PSME1: variants seen among roughly 807,000 people sequenced by gnomAD.
The protein encoded by PSME1 is proteasome activator subunit 1.
In PSME1, 15 loss-of-function variants were observed where a neutral mutation model predicts 38.4. The ratio of observed to expected loss-of-function variants is 0.39; its 90% CI spans 0.26 to 0.60. The LOEUF is 0.60. PSME1 is among the 20% of genes least tolerant of loss of function. The probability of loss-of-function intolerance (pLI) is 0.53; values close to 1 mark genes in which losing one functional copy is unlikely to be tolerated. For missense variants in PSME1, 249 were observed against 305.6 expected, an observed-to-expected ratio of 0.81 and a Z score of 1.38; for synonymous variants, 106 against 106.8, an observed-to-expected ratio of 0.99 and a Z score of 0.05.
In PSME1 at chr14:24,136,244, T is replaced by C. The variant is rs769942442; in HGVS notation, c.-19T>C. The C allele has an allele frequency of 1.0e-4, 157 of 1,519,584 alleles. No individual in the cohort carries two copies. The highest frequency in any genetic ancestry group is 1.3e-4 in the Non-Finnish European group (146 of 1,135,120). The allele number at this position is 1,519,584 out of a possible 1,614,324, so 94.1% of individuals were successfully genotyped here. On this transcript the variant is annotated 5_prime_UTR_variant, in exon 1 of 11. Coordinates refer to ENST00000206451, the MANE Select transcript of PSME1 (RefSeq NM_006263.4). This position sits in a 1 kb window ranked among gnomAD's most constrained non-coding sequence, Gnocchi z 4.8. Reference sequence around the variant, plus strand: ...GCCCACTCCACTCCTTGTGCGGCGCTAGGCCCCCCGTCCCGGTCATGGCCA... The same window carrying C: ...GCCCACTCCACTCCTTGTGCGGCGCCAGGCCCCCCGTCCCGGTCATGGCCA...
rs2037906648 is a variant in PSME1 at position 24,136,605 on chromosome 14, C to G, written c.39+304C>G. Among the ~76,000 whole-genome samples the G allele has an allele frequency of 1.3e-5, 2 of 152,190 alleles. No individual in the cohort carries two copies. Among genetic ancestry groups the G allele is most frequent in the African/African-American group, 4.8e-5 (2 of 41,456 alleles). ...GCCCCAGCTACCTTCTGGCCTTTCC[C>G]TCAGGGAGGGTCCCGGGGCCCACCC... On this transcript the variant is annotated intron_variant, in intron 1 of 10. Transcript: ENST00000206451. This position sits in a 1 kb window ranked among gnomAD's most constrained non-coding sequence, Gnocchi z 4.8.
In PSME1 at chr14:24,137,545, A is replaced by AG; in HGVS notation, c.277dup (p.Glu93GlyfsTer3). 1 of 1,614,230 alleles carries AG rather than the reference A, an allele frequency of 6.2e-7. No homozygotes were observed. The highest frequency in any genetic ancestry group is 8.5e-7 in the Non-Finnish European group (1 of 1,180,034). ...AAGGAAGACAAGGATGAAAAGAAGAAGGGGGAGGATGAAGACAAAGGTACT... is the reference window on the plus strand; with the variant it reads ...AAGGAAGACAAGGATGAAAAGAAGAAGGGGGGAGGATGAAGACAAAGGTACT... On this transcript the variant is annotated frameshift_variant, in exon 5 of 11. Transcript: ENST00000206451. LOFTEE classifies it high-confidence loss of function.
In PSME1 at chr14:24,137,210, C is replaced by T. The variant is rs773940134; in HGVS notation, c.135+5C>T. ...GAGCTGGATGCATTTTTAAAGGTAC[C>T]GCGGCTGGGCAGGGAGCTAGGGAGT... On this transcript the variant is annotated splice_donor_5th_base_variant and intron_variant, in intron 3 of 10. Transcript: ENST00000206451. 5.0e-6 allele frequency: 8 copies of T among 1,613,798 alleles called. No homozygotes were observed. The highest frequency in any genetic ancestry group is 1.6e-4 in the Middle Eastern group (1 of 6,084).
chr14:24,136,244 T>A lies in PSME1; in HGVS notation c.-19T>A. Reference sequence around the variant, plus strand: ...GCCCACTCCACTCCTTGTGCGGCGCTAGGCCCCCCGTCCCGGTCATGGCCA... The same window carrying A: ...GCCCACTCCACTCCTTGTGCGGCGCAAGGCCCCCCGTCCCGGTCATGGCCA... On this transcript the variant is annotated 5_prime_UTR_variant, in exon 1 of 11. Transcript: ENST00000206451. The surrounding 1 kb of genome is among the most constrained non-coding windows in gnomAD (Gnocchi z 4.8). 6.6e-7 allele frequency: 1 copy of A among 1,519,692 alleles called. No homozygotes were observed. 94.1% of individuals were successfully genotyped at this position (1,519,692 alleles called of 1,614,324 possible).
chr14:24,138,882 G>T lies in PSME1; in HGVS notation c.*66G>T, dbSNP rs1326027627. Reference sequence around the variant, plus strand: ...TTCCTGCTTTTTACTGGGGACTCCAGATTTTCCCCAAACTTGCTTCTGTTG... The same window carrying T: ...TTCCTGCTTTTTACTGGGGACTCCATATTTTCCCCAAACTTGCTTCTGTTG... On this transcript the variant is annotated 3_prime_UTR_variant, in exon 11 of 11. Transcript: ENST00000206451. The T allele has an allele frequency of 1.9e-6, 3 of 1,593,094 alleles. No individual in the cohort carries two copies. In the Admixed American group the frequency reaches 5.2e-5, roughly 28 times the overall value.
chr14:24,137,636 C>T (rs757867483), intron 5 of PSME1, 64 bp from the exon 6 acceptor site: 19 of 1,610,896 alleles, frequency 1.2e-5, no homozygotes, highest in Non-Finnish European at 1.6e-5. Context: ...GGATTTCTTT[C>T]CAGTCTCCCC....
rs758499492 is a variant in PSME1, at chr14:24,137,360, G to T, written c.175G>T (p.Ala59Ser). 6 of 1,614,038 alleles carry T rather than the reference G, an allele frequency of 3.7e-6. No homozygotes were observed. Among genetic ancestry groups the T allele is most frequent in the African/African-American group, 1.3e-5 (1 of 75,004 alleles). ...LNEANLSNLK[A>S]PLDIPVPDPV... Reference sequence around the variant, plus strand: ...TGAAGCCAACTTGAGCAATCTGAAGGCCCCATTGGACATCCCAGTGCCTGA... The same window carrying T: ...TGAAGCCAACTTGAGCAATCTGAAGTCCCCATTGGACATCCCAGTGCCTGA... Residue 59 changes from alanine to serine, a missense_variant, in exon 4 of 11, where the codon GCC becomes TCC. By Grantham distance (99) the Ala-to-Ser change is moderately conservative. Transcript: ENST00000206451.
intron 6 of PSME1, 36 bp from the exon 7 acceptor site, chr14:24,138,013 G>GCTCT (rs770471133): frequency 6.2e-7 from 1 of 1,609,160 alleles, no homozygotes; most frequent in Non-Finnish European, 8.5e-7. Context: ...ATTGGGTAGA[G>GCTCT]GGCTGATGTG....
chr14:24,137,622 C>T, intron 5 of PSME1, 57 bp downstream of exon 5: 2 of 1,611,920 alleles, frequency 1.2e-6, no homozygotes, highest in Non-Finnish European at 1.7e-6. Flanking sequence ...GGAGCTCCTC[C>T]TAAGGATTTC....
chr14:24,138,816 A>C lies in PSME1; in HGVS notation c.750A>C (p.Ter250CysextTer?). ...GAGAAACAAAGGGAATGATCTATTG[A>C]GAGCCCTCTCTCCCATTCTGTGATG... is the stretch of plus-strand genomic sequence containing the variant. The part of the protein sequence containing the change: ...PRGETKGMIY[*>C] The change falls in exon 11 of 11, where the codon TGA becomes TGC. Residue 250 changes from the stop codon to cysteine (C), a stop_lost. Coordinates refer to ENST00000206451, the MANE Select transcript of PSME1 (RefSeq NM_006263.4). 6.2e-7 allele frequency: 1 copy of C among 1,613,700 alleles called. No homozygotes were observed. Among genetic ancestry groups the C allele is most frequent in the Non-Finnish European group, 8.5e-7 (1 of 1,179,594 alleles).
Position 24,136,818 on chromosome 14 carries a change from C to T in PSME1, c.40-167C>T. Reference sequence around the variant, plus strand: ...GGTCTGCAGAGATCCACCTTCTCCACCACCCCAACCCACCCTACAGGCATC... The same window carrying T: ...GGTCTGCAGAGATCCACCTTCTCCATCACCCCAACCCACCCTACAGGCATC... On this transcript the variant is annotated intron_variant, in intron 1 of 10. Coordinates refer to ENST00000206451, the MANE Select transcript of PSME1 (RefSeq NM_006263.4). The surrounding 1 kb of genome is among the most constrained non-coding windows in gnomAD (Gnocchi z 4.8). 2.7e-6 allele frequency: 2 copies of T among 754,658 alleles called. No individual in the cohort carries two copies. The highest frequency in any genetic ancestry group is 2.3e-6 in the Non-Finnish European group (1 of 435,672). The allele number at this position is 754,658 out of a possible 1,614,324, so 46.7% of individuals were successfully genotyped here. A position where few individuals can be genotyped will look rare whatever the true frequency, so the allele number is the denominator to read the frequency against.
chr14:24,137,405 A>G lies in PSME1; in HGVS notation c.220A>G (p.Lys74Glu). 6.2e-7 allele frequency: 1 copy of G among 1,614,166 alleles called. No individual in the cohort carries two copies. Among genetic ancestry groups the G allele is most frequent in the Non-Finnish European group, 8.5e-7 (1 of 1,180,034 alleles). ...PVPDPVKEKEKEERKKQQEKE... is the reference protein window; with the variant it reads ...PVPDPVKEKEEEERKKQQEKE... ...GCCTGATCCAGTCAAGGAGAAAGAG[A>G]AAGAGGAGCGGAAGAAACAGCAGGA... Residue 74 changes from lysine (K) to glutamate (E), a missense_variant, in exon 4 of 11, where the codon AAA (lysine) becomes GAA (glutamate). Physicochemically the swap from Lys to Glu is moderately conservative, Grantham distance 56 (BLOSUM62 1). Coordinates refer to ENST00000206451, the MANE Select transcript of PSME1 (RefSeq NM_006263.4).
chr14:24,138,453 C>A (rs1322387904), intron 9 of PSME1, 21 bp from the exon 10 acceptor site: 1 of 1,614,168 alleles, frequency 6.2e-7, no homozygotes, highest in Non-Finnish European at 8.5e-7. Flanking sequence ...TAAGGTCAGG[C>A]CTGACCCGAG....
At position 24,136,324 on chromosome 14, in the gene PSME1, A is replaced by C; in HGVS notation, c.39+23A>C. 1 of 1,512,832 alleles carries C rather than the reference A, an allele frequency of 6.6e-7. No individual in the cohort carries two copies. 93.7% of individuals were successfully genotyped at this position (1,512,832 alleles called of 1,614,324 possible). On this transcript the variant is annotated intron_variant, in intron 1 of 10. Transcript: ENST00000206451. This position sits in a 1 kb window ranked among gnomAD's most constrained non-coding sequence, Gnocchi z 4.8. ...AAGGTGAGCGCCGCGGGGTCTAGAA[A>C]GGGCCCACTGGGGAGGCGTGGCTGG...
At chr14:24,137,899 G>A in intron 6 of PSME1, 102 bp downstream of exon 6, 1 of 1,501,656 alleles carries the variant, frequency 6.7e-7, no homozygotes, top group Non-Finnish European at 9.2e-7. Context: ...GCAAGAGAGG[G>A]CACAGCAAGT....
chr14:24,137,303 C>T lies in PSME1; in HGVS notation c.136-18C>T. ...GAGGAACTCCCTCACCTCCAGCCCT[C>T]CTCCCACCCTACACCAGGAGCCAGC... On this transcript the variant is annotated intron_variant, in intron 3 of 10. Coordinates refer to ENST00000206451, the MANE Select transcript of PSME1 (RefSeq NM_006263.4). 6.2e-7 allele frequency: 1 copy of T among 1,613,366 alleles called. No individual in the cohort carries two copies. Among genetic ancestry groups the T allele is most frequent in the Middle Eastern group, 1.7e-4 (1 of 6,060 alleles).
At position 24,138,519 on chromosome 14, in the gene PSME1, C is replaced by T. The variant is rs764489274; in HGVS notation, c.628C>T (p.Arg210Trp). ...GCACGAGCTGGATGAGGCAGAGTAC[C>T]GGGACATCCGGCTGATGGTCATGGA... is the stretch of plus-strand genomic sequence containing the variant. ...LVHELDEAEYRDIRLMVMEIR... is the reference protein window; with the variant it reads ...LVHELDEAEYWDIRLMVMEIR... The change falls in exon 10 of 11, where the codon CGG becomes TGG. Residue 210 changes from arginine to tryptophan, a missense_variant. Physicochemically the swap from Arg to Trp is moderately radical, Grantham distance 101. Coordinates refer to ENST00000206451, the MANE Select transcript of PSME1 (RefSeq NM_006263.4). 53 of 1,613,812 alleles carry T rather than the reference C, an allele frequency of 3.3e-5. No individual in the cohort carries two copies. In the East Asian group the frequency reaches 3.8e-4, roughly 12 times the overall value.
In PSME1 at chr14:24,136,449, G is replaced by T; in HGVS notation, c.39+148G>T. 1 of 740,982 alleles carries T rather than the reference G, an allele frequency of 1.3e-6. No individual in the cohort carries two copies. The highest frequency in any genetic ancestry group is 2.5e-5 in the South Asian group (1 of 40,674). 45.9% of individuals were successfully genotyped at this position (740,982 alleles called of 1,614,324 possible). ...CCGGAGCACCTGCGCCCCGGGGAGG[G>T]CGGCGACTGCTGCCTGCGGGGAGAG... On this transcript the variant is annotated intron_variant, in intron 1 of 10. Coordinates refer to ENST00000206451, the MANE Select transcript of PSME1 (RefSeq NM_006263.4). This position sits in a 1 kb window ranked among gnomAD's most constrained non-coding sequence, Gnocchi z 4.8.
Position 24,138,836 on chromosome 14 carries a change from G to C in PSME1, c.*20G>C, listed in dbSNP as rs746513751. 1.2e-6 allele frequency: 2 copies of C among 1,611,316 alleles called. No homozygotes were observed. Among genetic ancestry groups the C allele is most frequent in the Admixed American group, 3.3e-5 (2 of 59,976 alleles). ...TATTGAGAGCCCTCTCTCCCATTCT[G>C]TGATGAGTACAGCAGAGACCTTCCT... On this transcript the variant is annotated 3_prime_UTR_variant, in exon 11 of 11. Transcript: ENST00000206451.
Sources: allele counts gnomAD v4.1 joint callset (sites outside exome capture counted in the v4.1 genomes callset), GRCh38; gene constraint gnomAD v4.1.1; non-coding constraint Gnocchi (gnomAD v3.1); transcripts MANE v1.5; gene names NCBI Gene and HGNC (gene_info 2026-07-23, HGNC 2026-07-21).